The following ARL6IP6 variants were observed in gnomAD, a reference collection of about 807,000 sequenced individuals.
The protein encoded by ARL6IP6 is ADP-ribosylation factor-like protein 6-interacting protein 6.
ARL6IP6 carries 22 observed loss-of-function variants against 21.5 expected under a neutral mutation model. That is an observed-to-expected ratio of 1.02 (90% CI 0.73 to 1.46). ARL6IP6 has a LOEUF of 1.46. Among genes scored for constraint, ARL6IP6 ranks in the 40% most tolerant of loss-of-function variants. ARL6IP6 has a pLI of 0.00. For synonymous variants in ARL6IP6, 164 were observed against 125.3 expected (o/e 1.31, Z -2.06); for missense variants, 388 against 299.8 (o/e 1.29, Z -2.17).
intron 2 of ARL6IP6, among the ~76,000 whole-genome samples, chr2:152,726,290 T>A (rs1192353770): frequency 1.3e-5 from 2 of 152,356 alleles, no homozygotes; most frequent in Non-Finnish European, 2.9e-5. Context: ...GTAGAAATGC[T>A]ACAGTCTGGG....
rs550375111 is a variant in ARL6IP6 at position 152,741,005 on chromosome 2, T to G, written c.587+5879T>G. Among the ~76,000 whole-genome samples, 22 of 152,288 alleles carry G rather than the reference T, an allele frequency of 1.4e-4. 1 individual carries two copies. The South Asian group carries it at 1.4e-3, about 10-fold the overall frequency. ...CAACTTCTCCACATTTTGAGAAAGT[T>G]GAAATCTTCAGACTTTTATTTTCTT... On this transcript the variant is annotated intron_variant, in intron 3 of 3. Coordinates refer to ENST00000326446, the MANE Select transcript of ARL6IP6 (RefSeq NM_152522.7).
At chr2:152,742,150 AT>A (rs1007133957) in intron 3 of ARL6IP6, among the ~76,000 whole-genome samples, 2 of 152,192 alleles carry the variant, frequency 1.3e-5, no homozygotes, top group African/African-American at 4.8e-5. Flanking sequence ...GTAACAGTGT[AT>A]ATATAGTCAG....
chr2:152,737,279 C>G (rs1277043587), intron 3 of ARL6IP6, among the ~76,000 whole-genome samples: 5 of 152,084 alleles, frequency 3.3e-5, no homozygotes, highest in African/African-American at 1.2e-4. Flanking sequence ...TTCATGTTGT[C>G]TTTTACCACT....
chr2:152,717,932 G>A, upstream of ARL6IP6: 1 of 1,006,048 alleles, frequency 9.9e-7, no homozygotes, highest in Non-Finnish European at 1.2e-6. Flanking sequence ...GAGGCGGAGG[G>A]GAGGAGGCGG....
intron 3 of ARL6IP6, among the ~76,000 whole-genome samples, chr2:152,751,652 T>A (rs1701338133): frequency 6.6e-6 from 1 of 152,234 alleles, no homozygotes; most frequent in South Asian, 2.1e-4. Context: ...ATGCCTGACT[T>A]ATTTCACTTA....
intron 3 of ARL6IP6, among the ~76,000 whole-genome samples, chr2:152,749,910 T>C (rs1256670686): frequency 6.6e-6 from 1 of 152,256 alleles, no homozygotes; most frequent in African/African-American, 2.4e-5. Context: ...TTGGGTACTC[T>C]ATTTTACTAC....
chr2:152,719,883 C>G, intron 1 of ARL6IP6: 1 of 468,230 alleles, frequency 2.1e-6, no homozygotes, highest in South Asian at 1.6e-5. Context: ...TTTATTTGTC[C>G]TCATTGCTTC....
intron 3 of ARL6IP6, among the ~76,000 whole-genome samples, chr2:152,759,195 T>C (rs902877434): frequency 1.3e-5 from 2 of 152,188 alleles, no homozygotes; most frequent in Admixed American, 6.5e-5. Flanking sequence ...GATGTGTCTT[T>C]GCTGATTCTT....
chr2:152,755,316 C>T (rs559368354), intron 3 of ARL6IP6, among the ~76,000 whole-genome samples: 4 of 152,152 alleles, frequency 2.6e-5, no homozygotes, highest in Admixed American at 2.0e-4. Flanking sequence ...TCCCTTTCCC[C>T]GGGGGAGTTT....
intron 1 of ARL6IP6, chr2:152,719,770 AAAAAC>A (rs1270154439): frequency 7.8e-5 from 25 of 321,194 alleles, no homozygotes; most frequent in Admixed American, 2.3e-4. Flanking sequence ...AAAAAAAAAA[AAAAAC>A]AAAAGAACTT....
chr2:152,743,736 A>G (rs891282340), intron 3 of ARL6IP6, among the ~76,000 whole-genome samples: 2 of 152,210 alleles, frequency 1.3e-5, no homozygotes, highest in African/African-American at 2.4e-5. Flanking sequence ...GTTCAACTAT[A>G]TAAATGGAAA....
At chr2:152,735,246 C>T (rs1042156055) in intron 3 of ARL6IP6, 120 bp downstream of exon 3, 3 of 1,052,962 alleles carry the variant, frequency 2.8e-6, no homozygotes, top group South Asian at 1.7e-5. Context: ...TTATAAAGCA[C>T]TAATAACAGG....
intron 2 of ARL6IP6, among the ~76,000 whole-genome samples, chr2:152,733,350 A>G (rs532213909): frequency 1.1e-4 from 16 of 152,092 alleles, no homozygotes; most frequent in African/African-American, 3.6e-4. Flanking sequence ...ACTGTAACCT[A>G]TGCCTCTGGA....
chr2:152,751,938 G>T (rs1042539702), intron 3 of ARL6IP6, among the ~76,000 whole-genome samples: 1 of 152,022 alleles, frequency 6.6e-6, no homozygotes, highest in Non-Finnish European at 1.5e-5. Context: ...TTAGATTTTT[G>T]AGAAACTTCA....
chr2:152,748,877 A>G (rs1003517950), intron 3 of ARL6IP6, among the ~76,000 whole-genome samples: 1 of 152,198 alleles, frequency 6.6e-6, no homozygotes, highest in South Asian at 2.1e-4. Context: ...TTCAGTTCAG[A>G]TCAACCAAAA....
chr2:152,755,748 C>T (rs1039513602), intron 3 of ARL6IP6, among the ~76,000 whole-genome samples: 8 of 152,122 alleles, frequency 5.3e-5, no homozygotes, highest in Non-Finnish European at 7.3e-5. Flanking sequence ...TACTGGTCTC[C>T]GCGAATTGGT....
At chr2:152,721,641 A>C (rs1699795069) in intron 2 of ARL6IP6, among the ~76,000 whole-genome samples, 1 of 152,212 alleles carries the variant, frequency 6.6e-6, no homozygotes, top group South Asian at 2.1e-4. Flanking sequence ...ACTTTAAATT[A>C]AATCATTTGA....
chr2:152,718,806 C>T lies in ARL6IP6; in HGVS notation c.182C>T (p.Ala61Val), dbSNP rs1699446016. Residue 61 changes from alanine to valine, a missense_variant, in exon 1 of 4, where the codon GCT becomes GTT. Coordinates refer to ENST00000326446, the MANE Select transcript of ARL6IP6 (RefSeq NM_152522.7). ...VARDLRAEFS[A>V]GAWSEPRKRS... ...CGCGACCTGCGGGCGGAGTTCTCGG[C>T]TGGGGCGTGGTCAGAGCCCAGAAAG... The T allele has an allele frequency of 1.2e-6, 2 of 1,607,464 alleles. No individual in the cohort carries two copies. The highest frequency in any genetic ancestry group is 1.7e-6 in the Non-Finnish European group (2 of 1,176,868).
chr2:152,751,632 T>G (rs1701336420), intron 3 of ARL6IP6, among the ~76,000 whole-genome samples: 1 of 152,184 alleles, frequency 6.6e-6, no homozygotes, highest in Non-Finnish European at 1.5e-5. Context: ...CATGTGATAT[T>G]TATCTTCTTA....
Sources: gnomAD v4.1 joint callset for allele counts (sites outside exome capture counted in the v4.1 genomes callset) on GRCh38, gnomAD v4.1.1 for gene constraint, MANE v1.5 for transcripts, NCBI Gene and HGNC (gene_info 2026-07-23, HGNC 2026-07-21) for gene names.